ASH1L: variants seen among roughly 807,000 people sequenced by gnomAD.
ASH1L encodes the protein ASH1 like histone lysine methyltransferase, also known as histone-lysine N-methyltransferase ASH1L.
Under a neutral mutation model 269.0 loss-of-function variants are expected in ASH1L, and 23 were observed. The ratio of observed to expected loss-of-function variants is 0.09; its 90% CI spans 0.06 to 0.12. The LOEUF is 0.12. Among genes scored for constraint, ASH1L ranks in the 10% least tolerant of loss-of-function variants. The pLI is 1.00. For synonymous variants in ASH1L, 1,187 were observed against 1,253.5 expected (o/e 0.95, Z 1.12); for missense variants, 2,912 against 3,567.8 (o/e 0.82, Z 4.68).
At chr1:155,449,732 G>C (rs562599538) in intron 4 of ASH1L, among the ~76,000 whole-genome samples, 1 of 152,000 alleles carries the variant, frequency 6.6e-6, no homozygotes, top group South Asian at 2.1e-4. Flanking sequence ...TGTTAGCCAG[G>C]ATGATCTCGA....
At chr1:155,495,668 T>G (rs1667100282) in intron 2 of ASH1L, among the ~76,000 whole-genome samples, 1 of 152,172 alleles carries the variant, frequency 6.6e-6, no homozygotes, top group African/African-American at 2.4e-5. Flanking sequence ...ACACTTAAGC[T>G]ACATTAAATT....
At chr1:155,386,561 ATTT>A (rs59493935) in intron 7 of ASH1L, among the ~76,000 whole-genome samples, 1 of 146,856 alleles carries the variant, frequency 6.8e-6, no homozygotes, top group African/African-American at 2.6e-5. Flanking sequence ...AATTTTTTCT[ATTT>A]TTTTTTTTTA....
chr1:155,337,607 G>T lies in ASH1L; in HGVS notation c.*53C>A. 1 of 1,483,120 alleles carries T rather than the reference G, an allele frequency of 6.7e-7. No individual in the cohort carries two copies. The highest frequency in any genetic ancestry group is 9.4e-7 in the Non-Finnish European group (1 of 1,061,710). 91.9% of individuals were successfully genotyped at this position (1,483,120 alleles called of 1,614,324 possible). Reference sequence around the variant, plus strand: ...TCTATACCCAGAGAGCAGGAGGCAGGACTGATTAGCTCCACTGGATCCCAG... The same window carrying T: ...TCTATACCCAGAGAGCAGGAGGCAGTACTGATTAGCTCCACTGGATCCCAG... On this transcript the variant is annotated 3_prime_UTR_variant, in exon 28 of 28. Transcript: ENST00000392403.
chr1:155,450,542 G>C (rs1162044895), intron 4 of ASH1L, among the ~76,000 whole-genome samples: 1 of 152,014 alleles, frequency 6.6e-6, no homozygotes, highest in African/African-American at 2.4e-5. Context: ...GGATTTTGTT[G>C]TCTTCCTTTA....
chr1:155,397,754 G>T (rs1446691978), intron 6 of ASH1L, among the ~76,000 whole-genome samples: 1 of 151,980 alleles, frequency 6.6e-6, no homozygotes, highest in Non-Finnish European at 1.5e-5. Flanking sequence ...TAGAGACAGG[G>T]TTTTATCACA....
At position 155,344,095 on chromosome 1, in the gene ASH1L, A is replaced by C. The variant is rs1653031869; in HGVS notation, c.7981+88T>G. 9.3e-6 allele frequency: 11 copies of C among 1,180,486 alleles called. No homozygotes were observed. In the South Asian group the frequency reaches 1.4e-4, roughly 15 times the overall value. 73.1% of individuals were successfully genotyped at this position (1,180,486 alleles called of 1,614,324 possible). ...TCTATTGCTATTCGAGGCCGTATGG[A>C]GACAATGACTATGATGGAGACAGCA... On this transcript the variant is annotated intron_variant, in intron 22 of 27. Coordinates refer to ENST00000392403, the MANE Select transcript of ASH1L (RefSeq NM_018489.3).
intron 1 of ASH1L, among the ~76,000 whole-genome samples, chr1:155,536,668 G>GCCCA (rs2148879988): frequency 6.6e-6 from 1 of 152,254 alleles, no homozygotes; most frequent in Non-Finnish European, 1.5e-5. Context: ...AGAAGTTCAA[G>GCCCA]GCTGCAGTGA....
At chr1:155,342,524 G>A (rs73006951) in intron 24 of ASH1L, among the ~76,000 whole-genome samples, 277 of 152,316 alleles carry the variant, frequency 1.8e-3, no homozygotes, top group African/African-American at 6.5e-3. Context: ...CAGTCTGTCA[G>A]TTTTGGAATG....
chr1:155,343,578 GA>G lies in ASH1L; in HGVS notation c.8120+25del, dbSNP rs991388426. 2 of 1,613,600 alleles carry G rather than the reference GA, an allele frequency of 1.2e-6. No individual in the cohort carries two copies. Among genetic ancestry groups the G allele is most frequent in the Non-Finnish European group, 1.7e-6 (2 of 1,179,644 alleles). ...CTCCACTGGTACAGCACGGCTGGAA[GA>G]AAAGGACAGGACCTCAGCACGTACT... On this transcript the variant is annotated intron_variant, in intron 23 of 27. Transcript: ENST00000392403. This position sits in a 1 kb window ranked among gnomAD's most constrained non-coding sequence, Gnocchi z 6.1.
At chr1:155,473,590 G>A (rs985232688) in intron 3 of ASH1L, among the ~76,000 whole-genome samples, 3 of 149,770 alleles carry the variant, frequency 2.0e-5, no homozygotes, top group Admixed American at 6.7e-5. Flanking sequence ...TTGAACTCCC[G>A]GGCTCAAGTG....
intron 5 of ASH1L, chr1:155,433,534 C>CG (rs781320094): frequency 9.3e-6 from 15 of 1,610,450 alleles, no homozygotes; most frequent in Non-Finnish European, 9.3e-6. Flanking sequence ...GCACCGTCCC[C>CG]CCTGGTGCCG....
At chr1:155,429,786 G>A (rs1313864311) in intron 5 of ASH1L, among the ~76,000 whole-genome samples, 1 of 152,040 alleles carries the variant, frequency 6.6e-6, no homozygotes, top group African/African-American at 2.4e-5. Context: ...CTTATGTTAT[G>A]TATTCTCTTG....
chr1:155,390,459 T>C (rs1657820585), intron 7 of ASH1L, among the ~76,000 whole-genome samples: 1 of 152,280 alleles, frequency 6.6e-6, no homozygotes, highest in South Asian at 2.1e-4. Flanking sequence ...AGGAAAATAA[T>C]TTTCCAACTC....
rs1478624418 is a variant in ASH1L, at chr1:155,480,007, T to G, written c.2863A>C (p.Ser955Arg). ...TCAAGGTCACTCATACTACAGACAC[T>G]TGGCCTATGACTGTCATCTAGGTCA... ...PDDLDDSHRP[S>R]VCSMSDLEME... Residue 955 changes from serine to arginine, a missense_variant, in exon 3 of 28, where the codon AGT becomes CGT. This residue lies in a region of ASH1L where 715 missense variants were observed against 721.0 expected (regional missense o/e 0.99). Coordinates refer to ENST00000392403, the MANE Select transcript of ASH1L (RefSeq NM_018489.3). The G allele has an allele frequency of 6.2e-7, 1 of 1,614,076 alleles. No homozygotes were observed. Among genetic ancestry groups the G allele is most frequent in the South Asian group, 1.1e-5 (1 of 91,074 alleles).
rs1226456906 is a variant in ASH1L, at chr1:155,514,226, A to G, written c.420+6874T>C. Among the ~76,000 whole-genome samples the G allele has an allele frequency of 5.3e-5, 8 of 152,352 alleles. No homozygotes were observed. In the East Asian group the frequency reaches 1.5e-3, roughly 29 times the overall value. ...GCTGGTGGGTGGGCATGGTCGCACA[A>G]AAAGTGCATCTACCTAATGCCACAA... On this transcript the variant is annotated intron_variant, in intron 2 of 27. Coordinates refer to ENST00000392403, the MANE Select transcript of ASH1L (RefSeq NM_018489.3).
intron 17 of ASH1L, among the ~76,000 whole-genome samples, chr1:155,350,313 C>A (rs929005679): frequency 1.3e-5 from 2 of 152,122 alleles, no homozygotes; most frequent in Non-Finnish European, 2.9e-5. Flanking sequence ...TGAGCCACTG[C>A]GCCTGGCCAA....
intron 2 of ASH1L, among the ~76,000 whole-genome samples, chr1:155,519,585 A>G (rs959410903): frequency 3.3e-5 from 5 of 152,238 alleles, no homozygotes; most frequent in African/African-American, 1.2e-4. Context: ...CAGACACAAA[A>G]TAACAAATAT....
In ASH1L at chr1:155,420,156, TAAAATAC is replaced by T. The variant is rs1378033224; in HGVS notation, c.5829-4240_5829-4234del. 4.0e-5 allele frequency among the ~76,000 whole-genome samples: 6 copies of T among 151,154 alleles called. No individual in the cohort carries two copies. The South Asian group carries it at 1.3e-3, about 32-fold the overall frequency. ...AACATGGTGAAACCCCGTCTCTACTTAAAATACAAAATACAAAAATTAGCTGGGTGTG... is the reference window on the plus strand; with the variant it reads ...AACATGGTGAAACCCCGTCTCTACTTAAAATACAAAAATTAGCTGGGTGTG... On this transcript the variant is annotated intron_variant, in intron 5 of 27. Transcript: ENST00000392403.
chr1:155,352,764 C>G lies in ASH1L; in HGVS notation c.7308G>C (p.Arg2436=). 6.2e-7 allele frequency: 1 copy of G among 1,614,052 alleles called. No individual in the cohort carries two copies. The highest frequency in any genetic ancestry group is 8.5e-7 in the Non-Finnish European group (1 of 1,179,980). Residue 2436 remains arginine, a synonymous_variant, in exon 17 of 28, where the codon CGG becomes CGC. Coordinates refer to ENST00000392403, the MANE Select transcript of ASH1L (RefSeq NM_018489.3). ...AAAEENIEVA[R]AARLAQIFKE... ...TGAAGATCTGGGCTAGGCGGGCTGCCCGAGCCACTTCAATATTTTCCTCTG... is the reference window on the plus strand; with the variant it reads ...TGAAGATCTGGGCTAGGCGGGCTGCGCGAGCCACTTCAATATTTTCCTCTG...
Sources: gnomAD v4.1 joint callset for allele counts (sites outside exome capture counted in the v4.1 genomes callset) on GRCh38, gnomAD v4.1.1 for gene constraint, gnomAD v4.1.1 regional missense constraint, Gnocchi (gnomAD v3.1) non-coding constraint, MANE v1.5 for transcripts, NCBI Gene and HGNC (gene_info 2026-07-23, HGNC 2026-07-21) for gene names.